MTIF2: variants seen among roughly 807,000 people sequenced by gnomAD.
MTIF2 encodes the protein mitochondrial translational initiation factor 2, also known as translation initiation factor IF-2, mitochondrial.
MTIF2 carries 71 observed loss-of-function variants against 83.5 expected under a neutral mutation model. That is an observed-to-expected ratio of 0.85 (90% CI 0.70 to 1.04). MTIF2 has a LOEUF of 1.04. Ranked by LOEUF, MTIF2 falls within the 50% of genes least tolerant of loss-of-function variation. The pLI, the probability that MTIF2 is intolerant of heterozygous loss-of-function variation, is 0.00. For missense variants in MTIF2, 957 were observed against 846.5 expected (o/e 1.13, Z -1.62); for synonymous variants, 319 against 287.1 (o/e 1.11, Z -1.12).
In MTIF2 at chr2:55,236,801, T is replaced by G. The variant is rs771676649; in HGVS notation, c.2031A>C (p.Lys677Asn). Residue 677 changes from lysine to asparagine, a missense_variant, in exon 16 of 16, where the codon AAA becomes AAC. Physicochemically the swap from Lys to Asn is moderately conservative, Grantham distance 94. This residue lies in a region of MTIF2 where 221 missense variants were observed against 180.6 expected (regional missense o/e 1.22). Coordinates refer to ENST00000263629, the MANE Select transcript of MTIF2 (RefSeq NM_002453.3). Reference sequence around the variant, plus strand: ...CAATTGAAATGTCATCTTTATGGTGTTTCAATGAGGTTAATGAGCCTTAAA... The same window carrying G: ...CAATTGAAATGTCATCTTTATGGTGGTTCAATGAGGTTAATGAGCCTTAAA... ...VIWKGSLTSL[K>N]HHKDDISIVK... 7 of 1,603,494 alleles carry G rather than the reference T, an allele frequency of 4.4e-6. No individual in the cohort carries two copies. Among genetic ancestry groups the G allele is most frequent in the Non-Finnish European group, 5.9e-6 (7 of 1,177,460 alleles).
intron 14 of MTIF2, among the ~76,000 whole-genome samples, chr2:55,238,875 A>C (rs1676091269): frequency 6.6e-6 from 1 of 152,238 alleles, no homozygotes. Context: ...TAGCACAAGA[A>C]CATAAAAATC....
In MTIF2 at chr2:55,254,150, T is replaced by G. The variant is rs769884170; in HGVS notation, c.555A>C (p.Ile185=). The change falls in exon 7 of 16, where the codon ATA becomes ATC. Residue 185 remains isoleucine, a synonymous_variant. Transcript: ENST00000263629. ...TTTTCCCGTGATCAACATGGCCCAT[T>G]ATAGTAACAACTGGGGACCTTGGGG... is the stretch of plus-strand genomic sequence containing the variant. The part of the protein sequence containing the change: ...LLTPRSPVVT[I]MGHVDHGKTT... 1 of 1,614,134 alleles carries G rather than the reference T, an allele frequency of 6.2e-7. No homozygotes were observed. The highest frequency in any genetic ancestry group is 1.6e-4 in the Middle Eastern group (1 of 6,062).
intron 5 of MTIF2, among the ~76,000 whole-genome samples, chr2:55,259,603 A>C (rs1450333134): frequency 6.6e-6 from 1 of 152,200 alleles, no homozygotes; most frequent in African/African-American, 2.4e-5. Flanking sequence ...CATACATTTA[A>C]GCTTATTCCA....
At chr2:55,238,033 ATTAC>A (rs1295624188) in intron 14 of MTIF2, among the ~76,000 whole-genome samples, 1 of 150,996 alleles carries the variant, frequency 6.6e-6, no homozygotes, top group African/African-American at 2.4e-5. Flanking sequence ...ATCATCTATC[ATTAC>A]TTTATTTCTC....
At chr2:55,263,235 T>G (rs907472754) in intron 4 of MTIF2, among the ~76,000 whole-genome samples, 2 of 152,252 alleles carry the variant, frequency 1.3e-5, no homozygotes, top group African/African-American at 4.8e-5. Context: ...CCTGTATCCT[T>G]AATTCACTGT....
chr2:55,239,902 A>AG, intron 14 of MTIF2, 109 bp downstream of exon 14: 1 of 939,022 alleles, frequency 1.1e-6, no homozygotes, highest in African/African-American at 1.7e-5. Context: ...TCTAGAACAC[A>AG]GGATATATCT....
chr2:55,246,540 A>G (rs1676715840), intron 9 of MTIF2, 79 bp from the exon 10 acceptor site: 1 of 1,244,198 alleles, frequency 8.0e-7, no homozygotes, highest in Non-Finnish European at 1.2e-6. Context: ...AGAAAGTCAC[A>G]TAATACTTGC....
chr2:55,249,274 G>C, intron 9 of MTIF2, 121 bp downstream of exon 9: 1 of 1,330,798 alleles, frequency 7.5e-7, no homozygotes, highest in Non-Finnish European at 1.0e-6. Context: ...CTGGCACCAA[G>C]AAAACTTTTT....
intron 5 of MTIF2, among the ~76,000 whole-genome samples, chr2:55,261,708 G>A (rs1273453629): frequency 6.6e-6 from 1 of 151,942 alleles, no homozygotes; most frequent in East Asian, 1.9e-4. Flanking sequence ...GGAGGTTGAG[G>A]CAGAAGGATT....
Position 55,242,971 on chromosome 2 carries a change from T to A in MTIF2, c.1674A>T (p.Ala558=). 1 of 1,611,976 alleles carries A rather than the reference T, an allele frequency of 6.2e-7. No homozygotes were observed. Among genetic ancestry groups the A allele is most frequent in the Non-Finnish European group, 8.5e-7 (1 of 1,179,296 alleles). ...ATGTTTCAGCAAGGTTAACATCATT[T>A]GCACTTACATCACCCACTCCAAAAT... ...LVHFGVGDVS[A]NDVNLAETFD... The change falls in exon 13 of 16, where the codon GCA becomes GCT. Residue 558 remains alanine (A), a synonymous_variant. Transcript: ENST00000263629.
chr2:55,258,638 C>G (rs139819303), intron 5 of MTIF2, among the ~76,000 whole-genome samples: 19 of 152,160 alleles, frequency 1.2e-4, no homozygotes, highest in African/African-American at 4.3e-4. Context: ...ATGCTGAAAC[C>G]TCGTCTCTAA....
intron 13 of MTIF2, 30 bp downstream of exon 13, chr2:55,242,910 C>G: frequency 1.3e-6 from 2 of 1,591,774 alleles, no homozygotes; most frequent in Non-Finnish European, 1.7e-6. Context: ...TTGGGGAACA[C>G]AGATTAACAA....
chr2:55,265,954 T>C (rs923232079), intron 3 of MTIF2, among the ~76,000 whole-genome samples: 5 of 152,194 alleles, frequency 3.3e-5, no homozygotes, highest in Non-Finnish European at 5.9e-5. Flanking sequence ...TGCTTTGTAT[T>C]AGGTATCATA....
intron 3 of MTIF2, 48 bp from the exon 4 acceptor site, chr2:55,263,913 A>G: frequency 7.1e-7 from 1 of 1,405,464 alleles, no homozygotes; most frequent in Non-Finnish European, 1.0e-6. Flanking sequence ...TCAAGTTAGC[A>G]AATATTAATT....
intron 13 of MTIF2, among the ~76,000 whole-genome samples, chr2:55,241,057 T>C (rs1031955394): frequency 6.6e-6 from 1 of 151,932 alleles, no homozygotes. Context: ...AAATAATATA[T>C]TTAACTGTAA....
At position 55,249,434 on chromosome 2, in the gene MTIF2, A is replaced by G. The variant is rs1676934702; in HGVS notation, c.942T>C (p.Tyr314=). Residue 314 remains tyrosine (Y), a synonymous_variant, in exon 9 of 16, where the codon TAT becomes TAC. Transcript: ENST00000263629. The part of the protein sequence containing the change: ...LLAYDVVCED[Y]GGDVQAVPVS... The stretch of plus-strand genomic sequence containing the variant: ...CAGGCACTGCTTGAACATCACCTCC[A>G]TAATCTTCACATACCACATCGTAAG... The G allele has an allele frequency of 3.7e-6, 6 of 1,614,072 alleles. No homozygotes were observed. Among genetic ancestry groups the G allele is most frequent in the Non-Finnish European group, 4.2e-6 (5 of 1,180,030 alleles).
chr2:55,243,886 G>C (rs910611644), intron 11 of MTIF2, 143 bp downstream of exon 11: 3 of 922,084 alleles, frequency 3.3e-6, no homozygotes, highest in Non-Finnish European at 4.7e-6. Context: ...ATAGTCTAAT[G>C]CTAAAATAGC....
At position 55,261,032 on chromosome 2, in the gene MTIF2, G is replaced by A. The variant is rs565835262; in HGVS notation, c.331+1284C>T. ...GATGGAGTCTCGCTCTGTCGTCCAG[G>A]GTAGAGTGCAGTGGCGCGATCTCGG... On this transcript the variant is annotated intron_variant, in intron 5 of 15. Transcript: ENST00000263629. Among the ~76,000 whole-genome samples, 11 of 151,728 alleles carry A rather than the reference G, an allele frequency of 7.2e-5. No homozygotes were observed. The South Asian group carries it at 2.3e-3, about 32-fold the overall frequency.
In MTIF2 at chr2:55,237,417, T is replaced by C. The variant is rs1438493723; in HGVS notation, c.1882A>G (p.Ile628Val). 3 of 1,609,792 alleles carry C rather than the reference T, an allele frequency of 1.9e-6. No individual in the cohort carries two copies. The highest frequency in any genetic ancestry group is 2.2e-5 in the East Asian group (1 of 44,826). The change falls in exon 15 of 16, where the codon ATA (isoleucine) becomes GTA (valine). Residue 628 changes from isoleucine to valine, a missense_variant. Physicochemically the swap from Ile to Val is conservative, Grantham distance 29. Transcript: ENST00000263629. ...TCTGTTACAGAGAAGGTAGCTAGTA[T>C]AGATGCCTCACCTTTAGGAAGAAGA... is the stretch of plus-strand genomic sequence containing the variant. ...VEEHPVGEAS[I>V]LATFSVTEGK...
Sources: allele counts gnomAD v4.1 joint callset (sites outside exome capture counted in the v4.1 genomes callset), GRCh38; gene constraint gnomAD v4.1.1; regional missense constraint gnomAD v4.1.1; transcripts MANE v1.5; gene names NCBI Gene and HGNC (gene_info 2026-07-23, HGNC 2026-07-21).